Variants in DNAH9 observed in about 807,000 individuals in gnomAD.
DNAH9 encodes the protein dynein axonemal heavy chain 9.
A neutral mutation model predicts 471.6 loss-of-function variants in DNAH9; 345 were observed. That is an observed-to-expected ratio of 0.73 (90% CI 0.67 to 0.80). DNAH9 has a LOEUF of 0.80. Ranked by LOEUF, DNAH9 falls within the 30% of genes least tolerant of loss-of-function variation. The probability of loss-of-function intolerance (pLI) is 0.00; values close to 1 mark genes in which losing one functional copy is unlikely to be tolerated. For synonymous variants in DNAH9, 2,093 were observed against 2,123.6 expected (o/e 0.99, Z 0.40); for missense variants, 5,407 against 5,609.2 (o/e 0.96, Z 1.15).
intron 41 of DNAH9, 63 bp downstream of exon 41, chr17:11,784,602 CA>C: frequency 1.2e-6 from 2 of 1,606,932 alleles, no homozygotes; most frequent in South Asian, 2.2e-5. Context: ...TCCGATTCTT[CA>C]TAAAAATAAG....
chr17:11,605,476 TCTG>T (rs138186627), intron 1 of DNAH9, among the ~76,000 whole-genome samples: 47,211 of 150,964 alleles, frequency 0.31, 7,916 homozygotes, highest in East Asian at 0.45. Flanking sequence ...AGCTTTTTGG[TCTG>T]TTGTTGTTGT....
At chr17:11,678,389 A>G (rs1266375310) in intron 17 of DNAH9, among the ~76,000 whole-genome samples, 1 of 152,356 alleles carries the variant, frequency 6.6e-6, no homozygotes, top group East Asian at 1.9e-4. Context: ...TCCCATTAGA[A>G]GTTCCTTTAG....
intron 25 of DNAH9, 139 bp downstream of exon 25, chr17:11,704,581 A>AAT: frequency 4.7e-6 from 3 of 639,794 alleles, no homozygotes; most frequent in Non-Finnish European, 4.8e-6. Flanking sequence ...GGCTGCTCCT[A>AAT]CTTTTTTTTT....
chr17:11,811,688 G>A (rs991459177), intron 45 of DNAH9, among the ~76,000 whole-genome samples: 4 of 151,900 alleles, frequency 2.6e-5, no homozygotes, highest in South Asian at 2.1e-4. Flanking sequence ...TTCCTACCTC[G>A]TCTCTACCTA....
intron 50 of DNAH9, among the ~76,000 whole-genome samples, chr17:11,864,374 A>G (rs1290424634): frequency 3.3e-5 from 5 of 152,248 alleles, no homozygotes; most frequent in South Asian, 2.1e-4. Flanking sequence ...TGACTGCACT[A>G]TGGTCTGAGA....
chr17:11,759,394 C>T (rs74849985), intron 35 of DNAH9, among the ~76,000 whole-genome samples: 1,618 of 151,902 alleles, frequency 0.011, 26 homozygotes, highest in African/African-American at 0.036. Flanking sequence ...ATCCATTTTG[C>T]GGTCATTTTG....
At chr17:11,858,611 C>T (rs141182452) in intron 50 of DNAH9, among the ~76,000 whole-genome samples, 2 of 152,248 alleles carry the variant, frequency 1.3e-5, no homozygotes, top group Non-Finnish European at 2.9e-5. Flanking sequence ...TTTCTGATCA[C>T]TTGAATTTCT....
rs547406325 is a variant in DNAH9, at chr17:11,962,201, G to A, written c.13178G>A (p.Arg4393Gln). Reference sequence around the variant, plus strand: ...AGAGAAGAGTTTAGGAGTCCTCCTCGGGAAGGGGCCTACATCCATGGCCTC... The same window carrying A: ...AGAGAAGAGTTTAGGAGTCCTCCTCAGGAAGGGGCCTACATCCATGGCCTC... ...KNREEFRSPP[R>Q]EGAYIHGLFM... The change falls in exon 68 of 69, where the codon CGG becomes CAG. Residue 4393 changes from arginine to glutamine, a missense_variant. Around this residue, in one of 3 missense-constraint regions of DNAH9, gnomAD observed 4,636 missense variants for 4,900.3 expected, o/e 0.95. Coordinates refer to ENST00000262442, the MANE Select transcript of DNAH9 (RefSeq NM_001372.4). The surrounding 1 kb of genome is among the most constrained non-coding windows in gnomAD (Gnocchi z 4.1). 35 of 1,613,888 alleles carry A rather than the reference G, an allele frequency of 2.2e-5. No individual in the cohort carries two copies. Among genetic ancestry groups the A allele is most frequent in the African/African-American group, 2.1e-4 (16 of 75,032 alleles).
At chr17:11,695,072 T>C (rs2074450373) in intron 22 of DNAH9, among the ~76,000 whole-genome samples, 1 of 151,032 alleles carries the variant, frequency 6.6e-6, no homozygotes. Context: ...TGTATTTTAG[T>C]AGAGACGGGG....
intron 67 of DNAH9, among the ~76,000 whole-genome samples, chr17:11,951,998 C>T (rs1975382217): frequency 6.6e-6 from 1 of 151,884 alleles, no homozygotes; most frequent in Non-Finnish European, 1.5e-5. Flanking sequence ...TCAGTAGCCA[C>T]ATGTGATCTT....
Position 11,669,798 on chromosome 17 carries a change from C to G in DNAH9, c.3353+4C>G. 1 of 1,610,958 alleles carries G rather than the reference C, an allele frequency of 6.2e-7. No individual in the cohort carries two copies. Among genetic ancestry groups the G allele is most frequent in the South Asian group, 1.1e-5 (1 of 90,990 alleles). Reference sequence around the variant, plus strand: ...TTGTGGACCACGTCACTCACAGGTACAACAGTTGTTTTCACTTTCTTCCAG... The same window carrying G: ...TTGTGGACCACGTCACTCACAGGTAGAACAGTTGTTTTCACTTTCTTCCAG... On this transcript the variant is annotated splice_donor_region_variant and intron_variant, in intron 17 of 68. Coordinates refer to ENST00000262442, the MANE Select transcript of DNAH9 (RefSeq NM_001372.4).
intron 28 of DNAH9, 38 bp downstream of exon 28, chr17:11,727,960 A>G (rs765336175): frequency 1.1e-5 from 14 of 1,313,768 alleles, no homozygotes; most frequent in Non-Finnish European, 1.5e-5. Context: ...TGTGGTCTTC[A>G]TATTGATTAC....
chr17:11,859,845 C>T (rs981613710), intron 50 of DNAH9, among the ~76,000 whole-genome samples: 2 of 152,156 alleles, frequency 1.3e-5, no homozygotes, highest in South Asian at 2.1e-4. Flanking sequence ...AAAGACCCGC[C>T]CCCATGATCC....
intron 20 of DNAH9, 31 bp from the exon 21 acceptor site, chr17:11,693,832 AGTGGT>A (rs747804695): frequency 6.2e-7 from 1 of 1,613,404 alleles, no homozygotes; most frequent in South Asian, 1.1e-5. Context: ...AACTGAGTGG[AGTGGT>A]GGTTAATTGC....
At chr17:11,877,199 G>T (rs556783905) in intron 53 of DNAH9, among the ~76,000 whole-genome samples, 1 of 151,554 alleles carries the variant, frequency 6.6e-6, no homozygotes, top group South Asian at 2.1e-4. Context: ...GCAGCTGGGC[G>T]CAGTGGCTCG....
chr17:11,613,064 G>A (rs766637391), intron 4 of DNAH9, among the ~76,000 whole-genome samples: 3 of 152,196 alleles, frequency 2.0e-5, no homozygotes, highest in Non-Finnish European at 4.4e-5. Context: ...ACATCAGAGA[G>A]CAGAACTGGC....
chr17:11,694,628 T>C (rs1567724499), intron 22 of DNAH9, among the ~76,000 whole-genome samples, 181 bp downstream of exon 22: 6 of 7,468 alleles, frequency 8.0e-4, no homozygotes, highest in African/African-American at 1.5e-3. Flanking sequence ...CTTTCTTGCT[T>C]TCTTGCTTTC....
chr17:11,722,973 C>G (rs1427611955), intron 27 of DNAH9: 1 of 152,148 alleles, frequency 6.6e-6, no homozygotes, highest in East Asian at 1.9e-4. Flanking sequence ...TCCTTGAGAC[C>G]CTACTCCCTT....
intron 65 of DNAH9, among the ~76,000 whole-genome samples, chr17:11,936,930 G>C (rs1974731071): frequency 6.6e-6 from 1 of 152,166 alleles, no homozygotes; most frequent in Non-Finnish European, 1.5e-5. Flanking sequence ...GATTTAGATG[G>C]AGGGGAGAGA....
Sources: allele counts gnomAD v4.1 joint callset (sites outside exome capture counted in the v4.1 genomes callset), GRCh38; gene constraint gnomAD v4.1.1; regional missense constraint gnomAD v4.1.1; non-coding constraint Gnocchi (gnomAD v3.1); transcripts MANE v1.5; gene names NCBI Gene and HGNC (gene_info 2026-07-23, HGNC 2026-07-21).